Variants in PHGDH observed in about 807,000 individuals in gnomAD.
PHGDH encodes D-3-phosphoglycerate dehydrogenase.
A neutral mutation model predicts 52.6 loss-of-function variants in PHGDH; 50 were observed. That is an observed-to-expected ratio of 0.95 (90% confidence interval 0.76 to 1.20). The LOEUF (loss-of-function observed/expected upper bound fraction) is 1.20, where lower values mean the gene tolerates loss of function less well. PHGDH is among the 50% of genes most tolerant of loss of function. The pLI, the probability that PHGDH is intolerant of heterozygous loss-of-function variation, is 0.00. For missense variants in PHGDH, 630 were observed against 684.6 expected (o/e 0.92, Z 0.89); for synonymous variants, 271 against 280.5 (o/e 0.97, Z 0.34).
intron 1 of PHGDH, chr1:119,720,685 G>A (rs1054291417): frequency 3.7e-5 from 9 of 244,412 alleles, no homozygotes; most frequent in Non-Finnish European, 7.3e-5. Flanking sequence ...CCTATCAGAT[G>A]TGTGGACAGA....
chr1:119,741,412 C>CT (rs1652201679), intron 9 of PHGDH, among the ~76,000 whole-genome samples: 1 of 152,192 alleles, frequency 6.6e-6, no homozygotes, highest in Non-Finnish European at 1.5e-5. Flanking sequence ...TGGCAAGGCT[C>CT]TGAGTGCCAG....
rs587714533 is a variant in PHGDH at position 119,737,480 on chromosome 1, G to A, written c.945+214G>A. ...CAGAGGCCTTGGCAGCAGAGAGCCC[G>A]GCTCAGGCCTGTTATATCGTAGTCT... is the stretch of plus-strand genomic sequence containing the variant. On this transcript the variant is annotated intron_variant, in intron 8 of 11. Transcript: ENST00000641023. Among the ~76,000 whole-genome samples the A allele has an allele frequency of 3.9e-5, 6 of 152,314 alleles. No individual in the cohort carries two copies. In the East Asian group the frequency reaches 5.8e-4, roughly 15 times the overall value.
chr1:119,732,571 A>G (rs1171360049), intron 5 of PHGDH, among the ~76,000 whole-genome samples: 1 of 152,118 alleles, frequency 6.6e-6, no homozygotes, highest in Admixed American at 6.5e-5. Context: ...CCCAACCCCC[A>G]GCTGAGTTCA....
intron 5 of PHGDH, among the ~76,000 whole-genome samples, chr1:119,732,682 C>T (rs1027458703): frequency 2.0e-5 from 3 of 152,234 alleles, no homozygotes; most frequent in Admixed American, 6.5e-5. Flanking sequence ...GAGATACTCT[C>T]TGTGAAAGAA....
At chr1:119,743,857 T>G (rs1223711166) in intron 11 of PHGDH, 29 bp from the exon 12 acceptor site, 2 of 1,598,592 alleles carry the variant, frequency 1.3e-6, no homozygotes, top group East Asian at 4.5e-5. Flanking sequence ...CTATCCCCTG[T>G]GCCAACCAGG....
intron 1 of PHGDH, among the ~76,000 whole-genome samples, chr1:119,719,073 C>G (rs1367359009): frequency 6.6e-6 from 1 of 152,146 alleles, no homozygotes; most frequent in East Asian, 1.9e-4. Context: ...GGAAAAGATG[C>G]CAGTATCCTG....
chr1:119,724,529 G>A, intron 3 of PHGDH: 1 of 361,336 alleles, frequency 2.8e-6, no homozygotes, highest in South Asian at 2.2e-5. Context: ...ACAGCAGTAG[G>A]GTCTCAGCCT....
At chr1:119,738,769 G>C (rs971046270) in intron 8 of PHGDH, among the ~76,000 whole-genome samples, 1 of 151,616 alleles carries the variant, frequency 6.6e-6, no homozygotes, top group South Asian at 2.1e-4. Context: ...AGCTCTGGCA[G>C]AGCGAGGGGG....
chr1:119,742,151 C>T (rs1182139160), intron 10 of PHGDH: 5 of 535,190 alleles, frequency 9.3e-6, no homozygotes, highest in Non-Finnish European at 1.7e-5. Context: ...ATTTCACAGC[C>T]AAAGAAAATG....
At chr1:119,734,599 A>G (rs746349746) in intron 5 of PHGDH, 35 bp from the exon 6 acceptor site, 14 of 1,607,874 alleles carry the variant, frequency 8.7e-6, no homozygotes, top group African/African-American at 1.3e-5. Flanking sequence ...ATAATTAAGA[A>G]TGACACTTCC....
At chr1:119,717,261 A>AAAAAG (rs1650977084) in intron 1 of PHGDH, among the ~76,000 whole-genome samples, 1 of 149,374 alleles carries the variant, frequency 6.7e-6, no homozygotes, top group Non-Finnish European at 1.5e-5. Context: ...AAAAAAAAAA[A>AAAAAG]GTTGATTTGT....
At chr1:119,734,860 C>A in intron 6 of PHGDH, 94 bp downstream of exon 6, 1 of 1,400,008 alleles carries the variant, frequency 7.1e-7, no homozygotes, top group Non-Finnish European at 1.0e-6. Flanking sequence ...ACAGTGGTAA[C>A]CAGCTGTGGG....
Position 119,715,314 on chromosome 1 carries a change from A to G in PHGDH, c.138+3154A>G, listed in dbSNP as rs587770825. On this transcript the variant is annotated intron_variant, in intron 1 of 11. Coordinates refer to ENST00000641023, the MANE Select transcript of PHGDH (RefSeq NM_006623.4). ...TACTGAAGCACATCCATACCTTCAT[A>G]TCAGTACTTGAAGAAAGATTAAGAA... Among the ~76,000 whole-genome samples, 40 of 152,356 alleles carry G rather than the reference A, an allele frequency of 2.6e-4. No homozygotes were observed. In the East Asian group the frequency reaches 7.3e-3, roughly 28 times the overall value.
At chr1:119,713,529 C>G (rs974219140) in intron 1 of PHGDH, 5 of 152,242 alleles carry the variant, frequency 3.3e-5, no homozygotes, top group South Asian at 2.1e-4. Context: ...AGCATAGCCC[C>G]GAATTAGACC....
Position 119,712,014 on chromosome 1 carries a change from A to G in PHGDH, c.-9A>G, listed in dbSNP as rs749000157. 12 of 1,613,800 alleles carry G rather than the reference A, an allele frequency of 7.4e-6. No individual in the cohort carries two copies. Among genetic ancestry groups the G allele is most frequent in the African/African-American group, 5.3e-5 (4 of 74,902 alleles). ...CTCACAGCGGCCGATTCCGAGGCCA[A>G]CTCCAGCAATGGCTTTTGCAAATCT... On this transcript the variant is annotated 5_prime_UTR_variant, in exon 1 of 12. Coordinates refer to ENST00000641023, the MANE Select transcript of PHGDH (RefSeq NM_006623.4).
At chr1:119,740,099 C>G in intron 8 of PHGDH, 1 of 443,926 alleles carries the variant, frequency 2.3e-6, no homozygotes, top group East Asian at 4.6e-5. Context: ...AGTGCAGAAA[C>G]AAGTCTCCCA....
chr1:119,744,147 G>A lies in PHGDH; in HGVS notation c.*107G>A, dbSNP rs1482102365. On this transcript the variant is annotated 3_prime_UTR_variant, in exon 12 of 12. Transcript: ENST00000641023. ...ATTCTTGGGCTGAACGCGGGCCTCT[G>A]ACACTGCTTACACTGCACTCTGACC... 1.5e-5 allele frequency: 15 copies of A among 1,008,324 alleles called. No individual in the cohort carries two copies. In the Admixed American group the frequency reaches 2.6e-4, roughly 17 times the overall value. 62.5% of individuals were successfully genotyped at this position (1,008,324 alleles called of 1,614,324 possible). A position where few individuals can be genotyped will look rare whatever the true frequency, so the allele number is the denominator to read the frequency against.
At position 119,734,732 on chromosome 1, in the gene PHGDH, C is replaced by T. The variant is rs1278595430; in HGVS notation, c.609C>T (p.Ile203=). The T allele has an allele frequency of 6.2e-7, 1 of 1,613,928 alleles. No individual in the cohort carries two copies. The highest frequency in any genetic ancestry group is 1.7e-5 in the Admixed American group (1 of 60,004). ...LEEIWPLCDF[I]TVHTPLLPST... is the part of the protein sequence containing the mutation. ...AGATCTGGCCTCTCTGTGATTTCATCACTGTGCACACTCCTCTCCTGCCCT... is the reference window on the plus strand; with the variant it reads ...AGATCTGGCCTCTCTGTGATTTCATTACTGTGCACACTCCTCTCCTGCCCT... The change falls in exon 6 of 12, where the codon ATC becomes ATT. Residue 203 remains isoleucine, a synonymous_variant. Transcript: ENST00000641023.
rs754122755 is a variant in PHGDH at position 119,741,801 on chromosome 1, C to T, written c.1113C>T (p.Ser371=). 1.2e-6 allele frequency: 2 copies of T among 1,612,404 alleles called. No individual in the cohort carries two copies. Among genetic ancestry groups the T allele is most frequent in the African/African-American group, 2.7e-5 (2 of 74,880 alleles). ...TSLKNAGNCL[S]PAVIVGLLKE... The stretch of plus-strand genomic sequence containing the variant: ...TGAAGAATGCTGGGAACTGCCTAAG[C>T]CCCGCAGTCATTGTCGGCCTCCTGA... The change falls in exon 10 of 12, where the codon AGC becomes AGT. Residue 371 remains serine, a synonymous_variant. Transcript: ENST00000641023.
Sources: gnomAD v4.1 joint callset for allele counts (sites outside exome capture counted in the v4.1 genomes callset) on GRCh38, gnomAD v4.1.1 for gene constraint, MANE v1.5 for transcripts, NCBI Gene and HGNC (gene_info 2026-07-23, HGNC 2026-07-21) for gene names.